Variants in GRK2 observed in about 807,000 individuals in gnomAD.
GRK2 encodes the protein adrenergic beta receptor kinase 1.
Under a neutral mutation model 97.8 loss-of-function variants are expected in GRK2, and 23 were observed. The ratio of observed to expected loss-of-function variants is 0.24; its 90% CI spans 0.17 to 0.33. GRK2 has a LOEUF of 0.33. GRK2 is among the 10% of genes least tolerant of loss of function. GRK2 has a pLI of 1.00. For synonymous variants in GRK2, 425 were observed against 381.7 expected (o/e 1.11, Z -1.32); for missense variants, 633 against 956.9 (o/e 0.66, Z 4.47).
Position 67,285,518 on chromosome 11 carries a change from A to G in GRK2, c.*68A>G, listed in dbSNP as rs1230719431. On this transcript the variant is annotated 3_prime_UTR_variant, in exon 21 of 21. Coordinates refer to ENST00000308595, the MANE Select transcript of GRK2 (RefSeq NM_001619.5). ...AATTTTTATTATTTGTTTTCCCGCC[A>G]AGCGGAAAAGGTTTTATTTTGTAAT... 1 of 1,449,266 alleles carries G rather than the reference A, an allele frequency of 6.9e-7. No homozygotes were observed. The highest frequency in any genetic ancestry group is 1.4e-5 in the African/African-American group (1 of 70,088). The allele number at this position is 1,449,266 out of a possible 1,614,324, so 89.8% of individuals were successfully genotyped here.
At position 67,269,602 on chromosome 11, in the gene GRK2, G is replaced by A. The variant is rs769009423; in HGVS notation, c.113+2790G>A. On this transcript the variant is annotated intron_variant, in intron 1 of 20. Coordinates refer to ENST00000308595, the MANE Select transcript of GRK2 (RefSeq NM_001619.5). The surrounding 1 kb of genome is among the most constrained non-coding windows in gnomAD (Gnocchi z 4.1). ...GGCTGGGATGGAGAACTGAGCTGCC[G>A]TGGCAAAGCTACTGCACCGAGGGGC... Among the ~76,000 whole-genome samples the A allele has an allele frequency of 8.5e-5, 13 of 152,182 alleles. No homozygotes were observed. The highest frequency in any genetic ancestry group is 1.2e-4 in the Non-Finnish European group (8 of 68,030).
chr11:67,281,749 A>G lies in GRK2; in HGVS notation c.826+21A>G, dbSNP rs1318784592. 1.2e-6 allele frequency: 2 copies of G among 1,612,742 alleles called. No homozygotes were observed. Among genetic ancestry groups the G allele is most frequent in the African/African-American group, 2.7e-5 (2 of 74,740 alleles). On this transcript the variant is annotated intron_variant, in intron 10 of 20. Coordinates refer to ENST00000308595, the MANE Select transcript of GRK2 (RefSeq NM_001619.5). The surrounding 1 kb of genome is among the most constrained non-coding windows in gnomAD (Gnocchi z 5.7). ...GAACGGTGAGTGCTGGCCGGGCCCTAGGGTGGGCCGGGCCCAGGCACGGGA... is the reference window on the plus strand; with the variant it reads ...GAACGGTGAGTGCTGGCCGGGCCCTGGGGTGGGCCGGGCCCAGGCACGGGA...
intron 6 of GRK2, chr11:67,280,498 G>C: frequency 1.7e-6 from 1 of 591,440 alleles, no homozygotes; most frequent in South Asian, 1.9e-5. Context: ...ATTCCAGCAG[G>C]AAGCCACGGC....
chr11:67,281,060 C>T lies in GRK2; in HGVS notation c.556-33C>T. Reference sequence around the variant, plus strand: ...CTGCCCCAGGGCTGGGCAGAGGCAGCCTGTGGTGACCGCAGCTGTCGCTGC... The same window carrying T: ...CTGCCCCAGGGCTGGGCAGAGGCAGTCTGTGGTGACCGCAGCTGTCGCTGC... On this transcript the variant is annotated intron_variant, in intron 7 of 20. Coordinates refer to ENST00000308595, the MANE Select transcript of GRK2 (RefSeq NM_001619.5). The surrounding 1 kb of genome is among the most constrained non-coding windows in gnomAD (Gnocchi z 5.7). 6.3e-7 allele frequency: 1 copy of T among 1,585,350 alleles called. No individual in the cohort carries two copies.
rs1293978821 is a variant in GRK2 at position 67,269,159 on chromosome 11, C to A, written c.113+2347C>A. Among the ~76,000 whole-genome samples the A allele has an allele frequency of 6.6e-6, 1 of 152,248 alleles. No individual in the cohort carries two copies. The highest frequency in any genetic ancestry group is 2.1e-4 in the South Asian group (1 of 4,830). ...TTTGCATAACGCCTTGCCTTGCACA[C>A]CCAGTGGGGCAGAGCACGCCGCCCC... On this transcript the variant is annotated intron_variant, in intron 1 of 20. Coordinates refer to ENST00000308595, the MANE Select transcript of GRK2 (RefSeq NM_001619.5). The surrounding 1 kb of genome is among the most constrained non-coding windows in gnomAD (Gnocchi z 4.1).
At position 67,286,454 on chromosome 11, in the gene GRK2, C is replaced by A. The variant is rs1860287015; in HGVS notation, c.*1004C>A. ...CGGGGCTGGGTTGGCGCACCCTCCC[C>A]TCCCGTCTACTCATTCCCCGGGGCG... is the stretch of plus-strand genomic sequence containing the variant. On this transcript the variant is annotated 3_prime_UTR_variant, in exon 21 of 21. Coordinates refer to ENST00000308595, the MANE Select transcript of GRK2 (RefSeq NM_001619.5). 1.4e-6 allele frequency: 1 copy of A among 699,864 alleles called. No individual in the cohort carries two copies. The highest frequency in any genetic ancestry group is 2.6e-6 in the Non-Finnish European group (1 of 382,836). The allele number at this position is 699,864 out of a possible 1,614,324, so 43.4% of individuals were successfully genotyped here.
Position 67,282,135 on chromosome 11 carries a change from G to A in GRK2, c.958-136G>A. The A allele has an allele frequency of 8.3e-7, 1 of 1,200,870 alleles. No individual in the cohort carries two copies. The highest frequency in any genetic ancestry group is 2.7e-4 in the Middle Eastern group (1 of 3,708). The allele number at this position is 1,200,870 out of a possible 1,614,324, so 74.4% of individuals were successfully genotyped here. A position where few individuals can be genotyped will look rare whatever the true frequency, so the allele number is the denominator to read the frequency against. On this transcript the variant is annotated intron_variant, in intron 11 of 20. Transcript: ENST00000308595. The surrounding 1 kb of genome is among the most constrained non-coding windows in gnomAD (Gnocchi z 6.9). ...GGGTCCAGGTTGTAGCTGGGGACAG[G>A]AGAGAGGACCCCCACCTTTGCCCTT... is the stretch of plus-strand genomic sequence containing the variant.
rs1317436125 is a variant in GRK2, at chr11:67,284,036, C to G, written c.1491+87C>G. The G allele has an allele frequency of 1.5e-5, 21 of 1,426,316 alleles. No homozygotes were observed. The South Asian group carries it at 1.7e-4, about 12-fold the overall frequency. The allele number at this position is 1,426,316 out of a possible 1,614,324, so 88.4% of individuals were successfully genotyped here. A position where few individuals can be genotyped will look rare whatever the true frequency, so the allele number is the denominator to read the frequency against. The stretch of plus-strand genomic sequence containing the variant: ...TCTCCCTTCTTATCACCTGTGAGAC[C>G]CTGTGCCAGCCCTGCCAGCTTGTAG... On this transcript the variant is annotated intron_variant, in intron 17 of 20. Transcript: ENST00000308595.
chr11:67,279,813 C>T (rs755576208), intron 5 of GRK2, 26 bp from the exon 6 acceptor site: 1 of 1,613,866 alleles, frequency 6.2e-7, no homozygotes, highest in South Asian at 1.1e-5. Context: ...GGGGCTCAGT[C>T]ACCAACTTCC....
rs552349973 is a variant in GRK2 at position 67,286,429 on chromosome 11, C to G, written c.*979C>G. On this transcript the variant is annotated 3_prime_UTR_variant, in exon 21 of 21. Transcript: ENST00000308595. ...GTGTGGTGTCGCGCCTTCTCCCCCCCGGGGCTGGGTTGGCGCACCCTCCCC... is the reference window on the plus strand; with the variant it reads ...GTGTGGTGTCGCGCCTTCTCCCCCCGGGGGCTGGGTTGGCGCACCCTCCCC... 1.1e-5 allele frequency: 8 copies of G among 699,414 alleles called. No individual in the cohort carries two copies. The highest frequency in any genetic ancestry group is 1.8e-5 in the Non-Finnish European group (7 of 383,426). 43.3% of individuals were successfully genotyped at this position (699,414 alleles called of 1,614,324 possible).
In GRK2 at chr11:67,276,835, C is replaced by A. The variant is rs374457857; in HGVS notation, c.114-437C>A. 9.5e-5 allele frequency: 15 copies of A among 157,680 alleles called. No individual in the cohort carries two copies. The South Asian group carries it at 2.4e-3, about 26-fold the overall frequency. The allele number at this position is 157,680 out of a possible 1,614,324, so 9.8% of individuals were successfully genotyped here. A position where few individuals can be genotyped will look rare whatever the true frequency, so the allele number is the denominator to read the frequency against. The stretch of plus-strand genomic sequence containing the variant: ...CGTTCAGCCTCATGTTTTCAAGGCT[C>A]ATCCACGTTGTGGCCCCTGTTGGTG... On this transcript the variant is annotated intron_variant, in intron 1 of 20. Transcript: ENST00000308595. The surrounding 1 kb of genome is among the most constrained non-coding windows in gnomAD (Gnocchi z 4.2).
In GRK2 at chr11:67,266,740, T is replaced by C; in HGVS notation, c.41T>C (p.Leu14Pro). ...LEAVLADVSY[L>P]MAMEKSKATP... ...GCGGTGCTGGCCGACGTGAGCTACC[T>C]GATGGCCATGGAGAAGAGCAAGGCC... The change falls in exon 1 of 21, where the codon CTG becomes CCG. Residue 14 changes from leucine (L) to proline (P), a missense_variant. Physicochemically the swap from Leu to Pro is moderately conservative, Grantham distance 98 (BLOSUM62 -3). Coordinates refer to ENST00000308595, the MANE Select transcript of GRK2 (RefSeq NM_001619.5). 1 of 1,365,854 alleles carries C rather than the reference T, an allele frequency of 7.3e-7. No homozygotes were observed. The highest frequency in any genetic ancestry group is 1.7e-5 in the South Asian group (1 of 59,524). The allele number at this position is 1,365,854 out of a possible 1,614,324, so 84.6% of individuals were successfully genotyped here. A position where few individuals can be genotyped will look rare whatever the true frequency, so the allele number is the denominator to read the frequency against.
chr11:67,283,453 AGAT>A (rs1860198462), intron 15 of GRK2: 2 of 611,568 alleles, frequency 3.3e-6, no homozygotes, highest in Admixed American at 2.9e-5. Context: ...CCCTTGTCAC[AGAT>A]GATGATGATA....
At position 67,284,238 on chromosome 11, in the gene GRK2, C is replaced by T. The variant is rs760244097; in HGVS notation, c.1519C>T (p.Arg507Cys). 9.9e-6 allele frequency: 16 copies of T among 1,613,680 alleles called. No homozygotes were observed. Among genetic ancestry groups the T allele is most frequent in the Admixed American group, 5.0e-5 (3 of 60,028 alleles). The change falls in exon 18 of 21, where the codon CGC (arginine) becomes TGC (cysteine). Residue 507 changes from arginine to cysteine, a missense_variant. Arg to Cys is a radical substitution (Grantham distance 180, BLOSUM62 -3). This residue lies in a region of GRK2 where 180 missense variants were observed against 311.3 expected (regional missense o/e 0.58). Transcript: ENST00000308595. ...KLLDSDQELY[R>C]NFPLTISERW... ...ACTGGACAGTGATCAGGAGCTCTAC[C>T]GCAACTTCCCCCTCACCATCTCGGA...
rs1345006652 is a variant in GRK2 at position 67,279,502 on chromosome 11, C to T, written c.349C>T (p.Leu117=). Reference sequence around the variant, plus strand: ...CTTCGACTCATACATCATGAAGGAGCTGCTGGCCTGCTCGCATGTGAGTGT... The same window carrying T: ...CTTCGACTCATACATCATGAAGGAGTTGCTGGCCTGCTCGCATGTGAGTGT... ...EIFDSYIMKE[L]LACSHPFSKS... The change falls in exon 4 of 21, where the codon CTG becomes TTG. Residue 117 remains leucine (L), a synonymous_variant. Transcript: ENST00000308595. The T allele has an allele frequency of 1.2e-6, 2 of 1,613,206 alleles. No homozygotes were observed. The highest frequency in any genetic ancestry group is 1.7e-5 in the Admixed American group (1 of 60,028).
chr11:67,269,163 G>A lies in GRK2; in HGVS notation c.113+2351G>A, dbSNP rs964614959. Among the ~76,000 whole-genome samples the A allele has an allele frequency of 6.6e-6, 1 of 152,234 alleles. No individual in the cohort carries two copies. Among genetic ancestry groups the A allele is most frequent in the Admixed American group, 6.5e-5 (1 of 15,288 alleles). ...CATAACGCCTTGCCTTGCACACCCA[G>A]TGGGGCAGAGCACGCCGCCCCCCGC... On this transcript the variant is annotated intron_variant, in intron 1 of 20. Transcript: ENST00000308595. The surrounding 1 kb of genome is among the most constrained non-coding windows in gnomAD (Gnocchi z 4.1).
chr11:67,282,902 G>C lies in GRK2; in HGVS notation c.1227+84G>C. On this transcript the variant is annotated intron_variant, in intron 14 of 20. Coordinates refer to ENST00000308595, the MANE Select transcript of GRK2 (RefSeq NM_001619.5). The surrounding 1 kb of genome is among the most constrained non-coding windows in gnomAD (Gnocchi z 6.9). ...AGGCCATGACTCTTGCTTCCCACCA[G>C]CCAGCAGAGATCTGGGCCACTGACC... 1 of 1,452,180 alleles carries C rather than the reference G, an allele frequency of 6.9e-7. No homozygotes were observed. The highest frequency in any genetic ancestry group is 9.4e-7 in the Non-Finnish European group (1 of 1,063,886). 90.0% of individuals were successfully genotyped at this position (1,452,180 alleles called of 1,614,324 possible). A position where few individuals can be genotyped will look rare whatever the true frequency, so the allele number is the denominator to read the frequency against.
intron 17 of GRK2, 24 bp downstream of exon 17, chr11:67,283,973 T>C: frequency 6.4e-7 from 1 of 1,573,820 alleles, no homozygotes; most frequent in Non-Finnish European, 8.7e-7. Flanking sequence ...CCTGGCCTCT[T>C]GTACCTAGGC....
rs752437203 is a variant in GRK2 at position 67,281,755 on chromosome 11, G to A, written c.826+27G>A. 1.9e-6 allele frequency: 3 copies of A among 1,613,594 alleles called. No individual in the cohort carries two copies. The highest frequency in any genetic ancestry group is 1.7e-6 in the Non-Finnish European group (2 of 1,179,938). On this transcript the variant is annotated intron_variant, in intron 10 of 20. Transcript: ENST00000308595. This position sits in a 1 kb window ranked among gnomAD's most constrained non-coding sequence, Gnocchi z 5.7. ...TGAGTGCTGGCCGGGCCCTAGGGTG[G>A]GCCGGGCCCAGGCACGGGAGGCTGG...
Sources: gnomAD v4.1 joint callset for allele counts (sites outside exome capture counted in the v4.1 genomes callset) on GRCh38, gnomAD v4.1.1 for gene constraint, gnomAD v4.1.1 regional missense constraint, Gnocchi (gnomAD v3.1) non-coding constraint, MANE v1.5 for transcripts, NCBI Gene and HGNC (gene_info 2026-07-23, HGNC 2026-07-21) for gene names.